Variants in CLIP1 observed in about 807,000 individuals in gnomAD.
CLIP1 encodes the protein CAP-Gly domain-containing linker protein 1.
CLIP1 carries 66 observed loss-of-function variants against 161.6 expected under a neutral mutation model. The observed-to-expected ratio is 0.41, with a 90% CI of 0.33 to 0.50. The LOEUF (loss-of-function observed/expected upper bound fraction) is 0.50, where lower values mean the gene tolerates loss of function less well. Ranked by LOEUF, CLIP1 falls within the 20% of genes least tolerant of loss-of-function variation. The pLI, the probability that CLIP1 is intolerant of heterozygous loss-of-function variation, is 0.27. For synonymous variants in CLIP1, 598 were observed against 626.2 expected, an observed-to-expected ratio of 0.96 and a Z score of 0.67; for missense variants, 1,376 against 1,702.0, an observed-to-expected ratio of 0.81 and a Z score of 3.37.
chr12:122,380,279 T>A, intron 2 of CLIP1, 89 bp downstream of exon 2: 1 of 772,598 alleles, frequency 1.3e-6, no homozygotes, highest in Non-Finnish European at 2.0e-6. Flanking sequence ...TTTTCAAGAA[T>A]ATGAACAGAT....
intron 20 of CLIP1, among the ~76,000 whole-genome samples, chr12:122,301,437 G>C (rs990593767): frequency 6.6e-6 from 1 of 152,194 alleles, no homozygotes; most frequent in Admixed American, 6.5e-5. Context: ...TTGGGAGGCC[G>C]AGGCGAGTCC....
intron 13 of CLIP1, 63 bp downstream of exon 13, chr12:122,334,585 C>A: frequency 9.0e-7 from 1 of 1,116,504 alleles, no homozygotes; most frequent in South Asian, 1.3e-5. Context: ...CTCCACAGGT[C>A]AGCTCCAGTA....
At chr12:122,310,538 C>T (rs1951025936) in intron 19 of CLIP1, among the ~76,000 whole-genome samples, 1 of 152,156 alleles carries the variant, frequency 6.6e-6, no homozygotes, top group Non-Finnish European at 1.5e-5. Flanking sequence ...ATACAGACTG[C>T]TAACTTATAC....
chr12:122,416,099 G>A lies in CLIP1; in HGVS notation c.-107+6422C>T, dbSNP rs546626720. ...CTAAAAACACAAAAACTATCTGGGC[G>A]TGGTGGCAGGCGCCTGTAATCCCAG... is the stretch of plus-strand genomic sequence containing the variant. On this transcript the variant is annotated intron_variant, in intron 1 of 25. Coordinates refer to ENST00000620786, the MANE Select transcript of CLIP1 (RefSeq NM_001247997.2). Among the ~76,000 whole-genome samples, 16 of 151,672 alleles carry A rather than the reference G, an allele frequency of 1.1e-4. No homozygotes were observed. In the South Asian group the frequency reaches 2.5e-3, roughly 24 times the overall value.
At chr12:122,407,748 CA>C (rs35500806) in intron 1 of CLIP1, among the ~76,000 whole-genome samples, 4 of 38,334 alleles carry the variant, frequency 1.0e-4, no homozygotes, top group African/African-American at 4.2e-4. Context: ...GACCCTGTCT[CA>C]AAAAAAAAAA....
rs1457102725 is a variant in CLIP1, at chr12:122,354,664, T to C, written c.1204-108A>G. The stretch of plus-strand genomic sequence containing the variant: ...TCACCATGGTGGGTGGGCGTTACTC[T>C]AAAACCTTATGTTAAAAAGCTTTCT... On this transcript the variant is annotated intron_variant, in intron 6 of 25. Transcript: ENST00000620786. The C allele has an allele frequency of 2.5e-5, 19 of 770,482 alleles. No homozygotes were observed. In the Admixed American group the frequency reaches 3.8e-4, roughly 15 times the overall value. The allele number at this position is 770,482 out of a possible 1,614,324, so 47.7% of individuals were successfully genotyped here.
At chr12:122,411,048 C>G (rs900857977) in intron 1 of CLIP1, among the ~76,000 whole-genome samples, 4 of 152,140 alleles carry the variant, frequency 2.6e-5, no homozygotes, top group African/African-American at 9.7e-5. Context: ...GTAGAGTTCG[C>G]ATATGACCCA....
intron 21 of CLIP1, among the ~76,000 whole-genome samples, chr12:122,287,076 A>C (rs996414755): frequency 7.9e-5 from 12 of 152,116 alleles, no homozygotes; most frequent in African/African-American, 2.9e-4. Context: ...GGAGGCTGAG[A>C]GGTCGGAAGA....
chr12:122,289,633 T>C (rs566977069), intron 20 of CLIP1, among the ~76,000 whole-genome samples: 1 of 152,240 alleles, frequency 6.6e-6, no homozygotes, highest in South Asian at 2.1e-4. Context: ...TTGTTTCTCA[T>C]GTATAAAACA....
At chr12:122,399,164 A>C (rs1411263802) in intron 1 of CLIP1, 5 of 152,196 alleles carry the variant, frequency 3.3e-5, no homozygotes, top group African/African-American at 9.7e-5. Context: ...CTAGGAAGTG[A>C]GACACCTAAA....
chr12:122,360,446 G>GC (rs1390784810), intron 5 of CLIP1, among the ~76,000 whole-genome samples: 1 of 151,552 alleles, frequency 6.6e-6, no homozygotes, highest in Non-Finnish European at 1.5e-5. Context: ...AATTAACCAG[G>GC]CGTGGTGGTG....
At chr12:122,414,200 G>C (rs4758672) in intron 1 of CLIP1, among the ~76,000 whole-genome samples, 1 of 151,922 alleles carries the variant, frequency 6.6e-6, no homozygotes, top group Non-Finnish European at 1.5e-5. Context: ...GTGCAGTGGC[G>C]TGAACACAGC....
intron 20 of CLIP1, among the ~76,000 whole-genome samples, chr12:122,293,787 G>GT (rs201115013): frequency 0.24 from 32,213 of 132,618 alleles, 4,653 homozygotes; most frequent in East Asian, 0.65. Context: ...CTGAGAATTT[G>GT]TTTTTTTTTT....
rs750222654 is a variant in CLIP1, at chr12:122,341,096, A to G, written c.2108T>C (p.Ile703Thr). The G allele has an allele frequency of 5.6e-6, 9 of 1,613,728 alleles. No homozygotes were observed. The highest frequency in any genetic ancestry group is 7.6e-6 in the Non-Finnish European group (9 of 1,179,950). ...TTCCAGACTGTTTTCCTTTTCTTTA[A>G]TAACTTTCATCAGTTTAGCCCTCAA... Reference protein sequence around the residue: ...EALRAKLMKVIKEKENSLEAI... With the variant: ...EALRAKLMKVTKEKENSLEAI... The change falls in exon 11 of 26, where the codon ATT becomes ACT. Residue 703 changes from isoleucine (I) to threonine (T), a missense_variant. By Grantham distance (89) the Ile-to-Thr change is moderately conservative. Coordinates refer to ENST00000620786, the MANE Select transcript of CLIP1 (RefSeq NM_001247997.2).
chr12:122,344,923 G>T (rs563276228), intron 10 of CLIP1, among the ~76,000 whole-genome samples: 1 of 152,072 alleles, frequency 6.6e-6, no homozygotes, highest in Non-Finnish European at 1.5e-5. Flanking sequence ...CTTCGTTATG[G>T]AAAGATATAA....
At chr12:122,390,177 A>ATATATATAT (rs1555280511) in intron 1 of CLIP1, among the ~76,000 whole-genome samples, 7 of 100,874 alleles carry the variant, frequency 6.9e-5, no homozygotes, top group East Asian at 4.5e-4. Flanking sequence ...TCTCAGATAT[A>ATATATATAT]TATATATATA....
At chr12:122,349,302 T>C (rs1305389734) in intron 9 of CLIP1, among the ~76,000 whole-genome samples, 1 of 152,236 alleles carries the variant, frequency 6.6e-6, no homozygotes, top group African/African-American at 2.4e-5. Context: ...AAAAAGCAAA[T>C]ACACATTTAA....
chr12:122,301,437 G>A (rs990593767), intron 20 of CLIP1, among the ~76,000 whole-genome samples: 15 of 152,194 alleles, frequency 9.9e-5, no homozygotes, highest in African/African-American at 3.6e-4. Context: ...TTGGGAGGCC[G>A]AGGCGAGTCC....
chr12:122,349,011 A>G (rs919197363), intron 9 of CLIP1, among the ~76,000 whole-genome samples: 1 of 152,222 alleles, frequency 6.6e-6, no homozygotes, highest in African/African-American at 2.4e-5. Context: ...TTTTTAATTC[A>G]TCACCTGCTT....
Sources: gnomAD v4.1 joint callset for allele counts (sites outside exome capture counted in the v4.1 genomes callset) on GRCh38, gnomAD v4.1.1 for gene constraint, MANE v1.5 for transcripts, NCBI Gene and HGNC (gene_info 2026-07-23, HGNC 2026-07-21) for gene names.